The following THSD7B variants were observed in gnomAD, a reference collection of about 807,000 sequenced individuals.
THSD7B encodes thrombospondin type 1 domain containing 7B, also known as thrombospondin type-1 domain-containing protein 7B.
In THSD7B, 138 loss-of-function variants were observed where a neutral mutation model predicts 213.6. The observed-to-expected ratio is 0.65, with a 90% CI of 0.56 to 0.74. The LOEUF (loss-of-function observed/expected upper bound fraction) is 0.74. Among genes scored for constraint, THSD7B ranks in the 30% least tolerant of loss-of-function variants. The pLI, the probability that THSD7B is intolerant of heterozygous loss-of-function variation, is 0.00. For missense variants in THSD7B, 1,931 were observed against 1,991.5 expected (o/e 0.97, Z 0.58); for synonymous variants, 742 against 687.0 (o/e 1.08, Z -1.25).
At chr2:137,539,783 T>C (rs1233896389) in intron 15 of THSD7B, among the ~76,000 whole-genome samples, 2 of 151,692 alleles carry the variant, frequency 1.3e-5, no homozygotes, top group African/African-American at 2.4e-5. Context: ...ACTTCGTGGA[T>C]TGTTTGAGCT....
chr2:137,446,651 A>T (rs945108655), intron 14 of THSD7B, among the ~76,000 whole-genome samples: 9 of 152,014 alleles, frequency 5.9e-5, no homozygotes, highest in African/African-American at 1.9e-4. Flanking sequence ...CATACTGATA[A>T]CTAAAATAGA....
chr2:136,907,781 T>G (rs184546698), intron 2 of THSD7B, among the ~76,000 whole-genome samples: 10 of 152,320 alleles, frequency 6.6e-5, no homozygotes, highest in African/African-American at 2.4e-4. Context: ...TTTGCAAAGG[T>G]AACTGCTGTA....
chr2:137,468,972 T>C (rs1402015024), intron 15 of THSD7B, among the ~76,000 whole-genome samples: 1 of 152,196 alleles, frequency 6.6e-6, no homozygotes, highest in Non-Finnish European at 1.5e-5. Context: ...TGTGTATTTG[T>C]CAACTTTTAA....
intron 2 of THSD7B, among the ~76,000 whole-genome samples, chr2:136,959,515 A>AT (rs1381479948): frequency 6.6e-6 from 1 of 152,210 alleles, no homozygotes; most frequent in Non-Finnish European, 1.5e-5. Context: ...TCCTCTTAAG[A>AT]TTACTTGACT....
chr2:137,376,675 T>C (rs542698931), intron 12 of THSD7B, among the ~76,000 whole-genome samples: 8 of 152,328 alleles, frequency 5.3e-5, no homozygotes, highest in East Asian at 3.9e-4. Flanking sequence ...TTAAGGAGCA[T>C]AAAGCTTCTA....
At chr2:136,856,818 G>A (rs1453713004) in intron 1 of THSD7B, among the ~76,000 whole-genome samples, 1 of 152,146 alleles carries the variant, frequency 6.6e-6, no homozygotes, top group African/African-American at 2.4e-5. Context: ...ACCCAGCCAT[G>A]AGCTGGATAT....
At chr2:136,894,009 A>C (rs574652715) in intron 2 of THSD7B, among the ~76,000 whole-genome samples, 42 of 152,314 alleles carry the variant, frequency 2.8e-4, no homozygotes, top group Non-Finnish European at 4.4e-4. Context: ...TAGAGAATCC[A>C]TGATATTATT....
chr2:137,587,810 C>T (rs2104809826), intron 17 of THSD7B, among the ~76,000 whole-genome samples: 1 of 152,318 alleles, frequency 6.6e-6, no homozygotes, highest in South Asian at 2.1e-4. Context: ...GGCAGTCTGT[C>T]CATTCTCCGA....
Position 137,579,538 on chromosome 2 carries a change from G to GCA in THSD7B, c.3423+6996_3423+6997dup, listed in dbSNP as rs940079363. ...TACATGCACACACACACGCGCGTGC[G>GCA]CACACACACACACACTGTTGATTCT... On this transcript the variant is annotated intron_variant, in intron 17 of 27. Coordinates refer to ENST00000409968, the MANE Select transcript of THSD7B (RefSeq NM_001316349.2). Among the ~76,000 whole-genome samples, 128 of 144,494 alleles carry GCA rather than the reference G, an allele frequency of 8.9e-4. 1 individual carries two copies. The highest frequency in any genetic ancestry group is 2.2e-3 in the African/African-American group (90 of 40,782). 94.8% of individuals were successfully genotyped at this position (144,494 alleles called of 152,430 possible).
At chr2:136,825,032 G>A (rs947539058) in intron 1 of THSD7B, among the ~76,000 whole-genome samples, 1 of 152,144 alleles carries the variant, frequency 6.6e-6, no homozygotes, top group Non-Finnish European at 1.5e-5. Flanking sequence ...ATTGACTCCT[G>A]TCAAATATAG....
intron 20 of THSD7B, among the ~76,000 whole-genome samples, chr2:137,623,214 C>A (rs1259773931): frequency 6.6e-6 from 1 of 152,106 alleles, no homozygotes; most frequent in Non-Finnish European, 1.5e-5. Flanking sequence ...ATAAATAGAA[C>A]CAAAGACAAA....
At position 137,492,129 on chromosome 2, in the gene THSD7B, C is replaced by T. The variant is rs535205336; in HGVS notation, c.3138+41106C>T. 6.6e-5 allele frequency among the ~76,000 whole-genome samples: 10 copies of T among 152,220 alleles called. No individual in the cohort carries two copies. In the East Asian group the frequency reaches 1.9e-3, roughly 29 times the overall value. On this transcript the variant is annotated intron_variant, in intron 15 of 27. Coordinates refer to ENST00000409968, the MANE Select transcript of THSD7B (RefSeq NM_001316349.2). ...CATTTAACCCTGAACTCCTTTTCTG[C>T]TTCTTTAGGTTACAGTACTTCAAAG... is the stretch of plus-strand genomic sequence containing the variant.
At chr2:137,312,485 G>GT (rs1178545091) in intron 12 of THSD7B, among the ~76,000 whole-genome samples, 2 of 148,238 alleles carry the variant, frequency 1.3e-5, no homozygotes, top group Middle Eastern at 3.4e-3. Context: ...TTTTTGAAGG[G>GT]TTTTTTGTGT....
At chr2:137,076,556 G>A (rs985917561) in intron 3 of THSD7B, among the ~76,000 whole-genome samples, 13 of 152,214 alleles carry the variant, frequency 8.5e-5, no homozygotes, top group Admixed American at 3.3e-4. Flanking sequence ...GCGATGTCTC[G>A]CCCTGTTTCG....
intron 2 of THSD7B, among the ~76,000 whole-genome samples, chr2:137,030,476 T>C (rs1573776766): frequency 6.6e-6 from 1 of 151,874 alleles, no homozygotes; most frequent in Non-Finnish European, 1.5e-5. Flanking sequence ...AGCTGTGAGA[T>C]CTTGAACAGA....
At chr2:137,001,180 A>G (rs1443958482) in intron 2 of THSD7B, among the ~76,000 whole-genome samples, 1 of 152,124 alleles carries the variant, frequency 6.6e-6, no homozygotes, top group African/African-American at 2.4e-5. Flanking sequence ...GTGAGACGAT[A>G]ATGATACTTC....
At position 136,882,215 on chromosome 2, in the gene THSD7B, G is replaced by C. The variant is rs370478858; in HGVS notation, c.37G>C (p.Val13Leu). The change falls in exon 2 of 28, where the codon GTA (valine) becomes CTA (leucine). Residue 13 changes from valine to leucine, a missense_variant. Transcript: ENST00000409968. ...GAGCAACCTAACAGTCACTTGCTGG[G>C]TATGGAGGAGCATGAGGAAGCTCTT... ...PKSNLTVTCW[V>L]WRSMRKLFLL... The C allele has an allele frequency of 1.9e-6, 3 of 1,543,658 alleles. No homozygotes were observed.
intron 10 of THSD7B, among the ~76,000 whole-genome samples, chr2:137,270,691 C>T (rs1157263496): frequency 6.6e-6 from 1 of 152,018 alleles, no homozygotes; most frequent in Non-Finnish European, 1.5e-5. Flanking sequence ...CACGAGGGCT[C>T]CACAGAGCCT....
chr2:137,138,194 T>C (rs1009814500), intron 5 of THSD7B, among the ~76,000 whole-genome samples: 2 of 152,220 alleles, frequency 1.3e-5, no homozygotes, highest in African/African-American at 4.8e-5. Flanking sequence ...GGAATAGTTT[T>C]GGAATATGAA....
Sources: allele counts gnomAD v4.1 joint callset (sites outside exome capture counted in the v4.1 genomes callset), GRCh38; gene constraint gnomAD v4.1.1; transcripts MANE v1.5; gene names NCBI Gene and HGNC (gene_info 2026-07-23, HGNC 2026-07-21).